RTTN: variants seen among roughly 807,000 people sequenced by gnomAD.
The protein encoded by RTTN is rotatin.
A neutral mutation model predicts 269.2 loss-of-function variants in RTTN; 182 were observed. The ratio of observed to expected loss-of-function variants is 0.68; its 90% CI spans 0.60 to 0.76. RTTN has a LOEUF of 0.76. Among genes scored for constraint, RTTN ranks in the 30% least tolerant of loss-of-function variants. The pLI, the probability that RTTN is intolerant of heterozygous loss-of-function variation, is 0.00. For synonymous variants in RTTN, 1,006 were observed against 963.5 expected (o/e 1.04, Z -0.82); for missense variants, 2,545 against 2,608.6 (o/e 0.98, Z 0.53).
Position 70,140,165 on chromosome 18 carries a change from T to C in RTTN, c.2605A>G (p.Lys869Glu). The C allele has an allele frequency of 6.3e-7, 1 of 1,589,700 alleles. No individual in the cohort carries two copies. Among genetic ancestry groups the C allele is most frequent in the South Asian group, 1.1e-5 (1 of 90,128 alleles). ...ATTTTGTCAATTAAGCATAACTTTT[T>C]CACCACAGCATGCATTTTAATATCT... is the stretch of plus-strand genomic sequence containing the variant. The part of the protein sequence containing the change: ...MQDIKMHAVV[K>E]KLCLIDKIIE... Residue 869 changes from lysine to glutamate, a missense_variant, in exon 20 of 49, where the codon AAA becomes GAA. Physicochemically the swap from Lys to Glu is moderately conservative, Grantham distance 56. Coordinates refer to ENST00000640769, the MANE Select transcript of RTTN (RefSeq NM_173630.4).
At chr18:70,010,030 GAACT>G (rs2056321221) in intron 46 of RTTN, among the ~76,000 whole-genome samples, 1 of 152,142 alleles carries the variant, frequency 6.6e-6, no homozygotes, top group African/African-American at 2.4e-5. Flanking sequence ...GCAACAAATA[GAACT>G]AACTATCCTA....
chr18:70,055,924 T>A (rs1168253256), intron 37 of RTTN, among the ~76,000 whole-genome samples: 1 of 152,192 alleles, frequency 6.6e-6, no homozygotes, highest in African/African-American at 2.4e-5. Context: ...GGCCACCCCA[T>A]CTGCCGCAGG....
chr18:70,118,315 T>C (rs1427734367), intron 26 of RTTN, among the ~76,000 whole-genome samples: 3 of 152,082 alleles, frequency 2.0e-5, no homozygotes, highest in Admixed American at 6.5e-5. Context: ...GAGACTATTA[T>C]GAACAATTTC....
At chr18:70,202,801 T>C (rs903828975) in intron 3 of RTTN, among the ~76,000 whole-genome samples, 9 of 152,238 alleles carry the variant, frequency 5.9e-5, no homozygotes, top group Non-Finnish European at 1.2e-4. Context: ...AAAAGGCTGC[T>C]TTAAGATTTA....
In RTTN at chr18:70,065,896, T is replaced by C; in HGVS notation, c.4680A>G (p.Glu1560=). 1 of 1,603,198 alleles carries C rather than the reference T, an allele frequency of 6.2e-7. No homozygotes were observed. The highest frequency in any genetic ancestry group is 1.7e-4 in the Middle Eastern group (1 of 6,022). Reference sequence around the variant, plus strand: ...TTGTTGACTGCACAAGTGGCTGAAATTCAGTACTCCCCAATGAAGGTGCCA... The same window carrying C: ...TTGTTGACTGCACAAGTGGCTGAAACTCAGTACTCCCCAATGAAGGTGCCA... The part of the protein sequence containing the change: ...TTVAPSLGST[E]FQPLVQSTTL... The change falls in exon 35 of 49, where the codon GAA becomes GAG. Residue 1560 remains glutamate, a synonymous_variant. Transcript: ENST00000640769.
In RTTN at chr18:70,181,783, C is replaced by T. The variant is rs574076714; in HGVS notation, c.1306-4938G>A. Among the ~76,000 whole-genome samples, 436 of 152,044 alleles carry T rather than the reference C, an allele frequency of 2.9e-3. 2 individuals are homozygous for T. Among genetic ancestry groups the T allele is most frequent in the Non-Finnish European group, 2.6e-3 (178 of 67,944 alleles). On this transcript the variant is annotated intron_variant, in intron 10 of 48. Transcript: ENST00000640769. ...CTTGTTTGCTTCTTTTAAAATATAG[C>T]CAAAGAAAAGAGACATTTATTCTTT... is the stretch of plus-strand genomic sequence containing the variant.
chr18:70,195,985 T>C (rs935577983), intron 7 of RTTN, among the ~76,000 whole-genome samples: 2 of 152,196 alleles, frequency 1.3e-5, no homozygotes, highest in Non-Finnish European at 1.5e-5. Context: ...AAATCCTAAA[T>C]GGTACTGGTT....
rs182805042 is a variant in RTTN, at chr18:70,149,532, T to C, written c.2172+439A>G. 6.1e-4 allele frequency among the ~76,000 whole-genome samples: 56 copies of C among 91,486 alleles called. No homozygotes were observed. In the East Asian group the frequency reaches 0.015, roughly 25 times the overall value. The allele number at this position is 91,486 out of a possible 152,430, so 60.0% of individuals were successfully genotyped here. Reference sequence around the variant, plus strand: ...CTGACTCCTTTAATGTCCAGAAGGATTGCTTTTTTAAAAAAAAAAAAAAAA... The same window carrying C: ...CTGACTCCTTTAATGTCCAGAAGGACTGCTTTTTTAAAAAAAAAAAAAAAA... On this transcript the variant is annotated intron_variant, in intron 16 of 48. Transcript: ENST00000640769.
chr18:70,036,986 G>C (rs2057193825), intron 40 of RTTN, among the ~76,000 whole-genome samples: 1 of 152,214 alleles, frequency 6.6e-6, no homozygotes, highest in Non-Finnish European at 1.5e-5. Flanking sequence ...AGGAGGGAGA[G>C]AGCAGCGACT....
chr18:70,166,731 G>A (rs535211770), intron 13 of RTTN, 188 bp downstream of exon 13: 2 of 454,818 alleles, frequency 4.4e-6, no homozygotes, highest in African/African-American at 4.1e-5. Context: ...GTTTAATCTT[G>A]AATATAACAG....
intron 39 of RTTN, among the ~76,000 whole-genome samples, chr18:70,049,422 A>T: frequency 6.6e-6 from 1 of 152,198 alleles, no homozygotes; most frequent in East Asian, 1.9e-4. Context: ...AAATAATGAT[A>T]TCCTACGTGG....
chr18:70,151,791 T>C (rs2060545275), intron 14 of RTTN, among the ~76,000 whole-genome samples: 1 of 152,184 alleles, frequency 6.6e-6, no homozygotes, highest in Admixed American at 6.5e-5. Flanking sequence ...CCAGCACCTT[T>C]ATTTTTCTTC....
intron 11 of RTTN, among the ~76,000 whole-genome samples, chr18:70,171,322 AC>A (rs928059910): frequency 6.6e-6 from 1 of 152,360 alleles, no homozygotes; most frequent in Admixed American, 6.5e-5. Flanking sequence ...CTCTAAAGGC[AC>A]TGTGTTCTAG....
intron 18 of RTTN, among the ~76,000 whole-genome samples, chr18:70,144,146 C>G (rs2060329246): frequency 6.6e-6 from 1 of 152,086 alleles, no homozygotes; most frequent in Non-Finnish European, 1.5e-5. Flanking sequence ...TGTGCCCGGC[C>G]CCTCTCTTCT....
At chr18:70,078,186 G>A (rs1449678295) in intron 32 of RTTN, among the ~76,000 whole-genome samples, 1 of 151,154 alleles carries the variant, frequency 6.6e-6, no homozygotes, top group African/African-American at 2.5e-5. Context: ...CCATAAAGAA[G>A]TAAAAAGAGT....
Position 70,169,104 on chromosome 18 carries a change from GT to G in RTTN, c.1477-38del, listed in dbSNP as rs375544874. 4 of 1,479,514 alleles carry G rather than the reference GT, an allele frequency of 2.7e-6. No individual in the cohort carries two copies. In the African/African-American group the frequency reaches 5.7e-5, roughly 21 times the overall value. The allele number at this position is 1,479,514 out of a possible 1,614,324, so 91.6% of individuals were successfully genotyped here. On this transcript the variant is annotated intron_variant, in intron 11 of 48. Coordinates refer to ENST00000640769, the MANE Select transcript of RTTN (RefSeq NM_173630.4). ...AAAAAAACAAAAAAATTAAAACTTTGTTTAAAAAAAACTTATTTTAGAGAAA... is the reference window on the plus strand; with the variant it reads ...AAAAAAACAAAAAAATTAAAACTTTGTTAAAAAAAACTTATTTTAGAGAAA...
rs397974179 is a variant in RTTN at position 70,173,491 on chromosome 18, C to CAA, written c.1476+3182_1476+3183dup. 3.4e-3 allele frequency among the ~76,000 whole-genome samples: 166 copies of CAA among 48,394 alleles called. 2 individuals are homozygous for CAA. Among genetic ancestry groups the CAA allele is most frequent in the African/African-American group, 9.2e-3 (128 of 13,972 alleles). The allele number at this position is 48,394 out of a possible 152,430, so 31.7% of individuals were successfully genotyped here. A position where few individuals can be genotyped will look rare whatever the true frequency, so the allele number is the denominator to read the frequency against. On this transcript the variant is annotated intron_variant, in intron 11 of 48. Coordinates refer to ENST00000640769, the MANE Select transcript of RTTN (RefSeq NM_173630.4). ...CTGGTGACAGAGCAAGACTCCAACT[C>CAA]AAAAAAAAAAAAAAAAAAAAGAAAA...
chr18:70,110,847 G>T (rs1331514180), intron 27 of RTTN, among the ~76,000 whole-genome samples: 1 of 152,260 alleles, frequency 6.6e-6, no homozygotes, highest in Non-Finnish European at 1.5e-5. Flanking sequence ...AGCAGTCTGA[G>T]ATTGACCTGG....
intron 46 of RTTN, among the ~76,000 whole-genome samples, chr18:70,009,371 C>T (rs547458562): frequency 6.6e-6 from 1 of 152,242 alleles, no homozygotes; most frequent in Admixed American, 6.5e-5. Flanking sequence ...CTCTGGATCT[C>T]ATGGTCCGCC....
Sources: allele counts gnomAD v4.1 joint callset (sites outside exome capture counted in the v4.1 genomes callset), GRCh38; gene constraint gnomAD v4.1.1; transcripts MANE v1.5; gene names NCBI Gene and HGNC (gene_info 2026-07-23, HGNC 2026-07-21).